CERS6: variants seen among roughly 807,000 people sequenced by gnomAD.
CERS6 encodes the protein ceramide synthase 6.
Under a neutral mutation model 56.8 loss-of-function variants are expected in CERS6, and 26 were observed. The ratio of observed to expected loss-of-function variants is 0.46; its 90% confidence interval spans 0.34 to 0.63. The LOEUF (loss-of-function observed/expected upper bound fraction) is 0.63, where lower values mean the gene tolerates loss of function less well. Among genes scored for constraint, CERS6 ranks in the 30% least tolerant of loss-of-function variants. The pLI is 0.01. For synonymous variants in CERS6, 164 were observed against 173.3 expected (o/e 0.95, Z 0.42); for missense variants, 415 against 467.5 (o/e 0.89, Z 1.04).
chr2:168,521,352 A>G (rs139878238), intron 1 of CERS6, among the ~76,000 whole-genome samples: 186 of 152,164 alleles, frequency 1.2e-3, no homozygotes, highest in African/African-American at 4.2e-3. Context: ...ATTTGACTGC[A>G]TTTTTCTCTT....
chr2:168,597,977 C>CT (rs754791714), intron 3 of CERS6, among the ~76,000 whole-genome samples: 35 of 152,122 alleles, frequency 2.3e-4, no homozygotes, highest in Non-Finnish European at 3.2e-4. Context: ...CTCTTTCAGA[C>CT]TTTTTTTTGT....
chr2:168,668,490 A>C (rs1219948959), intron 4 of CERS6, among the ~76,000 whole-genome samples: 1 of 136,286 alleles, frequency 7.3e-6, no homozygotes, highest in East Asian at 2.1e-4. Flanking sequence ...TCTGTCGCCC[A>C]GGCTGGAGTT....
intron 4 of CERS6, among the ~76,000 whole-genome samples, chr2:168,663,889 T>TA (rs1183044870): frequency 2.0e-5 from 3 of 151,886 alleles, no homozygotes; most frequent in Admixed American, 6.6e-5. Context: ...TTGGGTCAGT[T>TA]AAAAAAAATG....
intron 1 of CERS6, among the ~76,000 whole-genome samples, chr2:168,514,989 T>C (rs1044893418): frequency 1.3e-5 from 2 of 152,230 alleles, no homozygotes; most frequent in African/African-American, 4.8e-5. Context: ...ATGAGTGGGT[T>C]CCAGTAATGT....
Position 168,509,090 on chromosome 2 carries a change from A to C in CERS6, c.171-38506A>C, listed in dbSNP as rs113819461. On this transcript the variant is annotated intron_variant, in intron 1 of 9. Transcript: ENST00000305747. Reference sequence around the variant, plus strand: ...ACTGGCTACAGAAGAGTTCAGACTAATTCATTCTTGGCAGAATCTCTCTTC... The same window carrying C: ...ACTGGCTACAGAAGAGTTCAGACTACTTCATTCTTGGCAGAATCTCTCTTC... Among the ~76,000 whole-genome samples, 30 of 152,304 alleles carry C rather than the reference A, an allele frequency of 2.0e-4. 1 individual carries two copies. The highest frequency in any genetic ancestry group is 6.5e-4 in the African/African-American group (27 of 41,576).
chr2:168,763,624 T>C (rs1159093230), intron 8 of CERS6, among the ~76,000 whole-genome samples: 2 of 152,142 alleles, frequency 1.3e-5, no homozygotes, highest in Non-Finnish European at 2.9e-5. Context: ...CTCATCACAA[T>C]TTATTTTATT....
chr2:168,494,901 T>C (rs1694438666), intron 1 of CERS6, among the ~76,000 whole-genome samples: 1 of 152,180 alleles, frequency 6.6e-6, no homozygotes, highest in Non-Finnish European at 1.5e-5. Context: ...GGTTCAGATG[T>C]TCCTTATAGA....
chr2:168,689,221 A>AT (rs1226604856), intron 4 of CERS6, among the ~76,000 whole-genome samples: 2 of 152,306 alleles, frequency 1.3e-5, no homozygotes, highest in African/African-American at 4.8e-5. Context: ...AAACATGCAT[A>AT]TGACTTAACT....
chr2:168,625,474 C>T (rs952255595), intron 3 of CERS6, among the ~76,000 whole-genome samples: 3 of 152,148 alleles, frequency 2.0e-5, no homozygotes, highest in African/African-American at 7.2e-5. Context: ...CACTCGTACT[C>T]CTAATAAAAA....
At chr2:168,519,396 A>G (rs1694939199) in intron 1 of CERS6, among the ~76,000 whole-genome samples, 2 of 152,192 alleles carry the variant, frequency 1.3e-5, no homozygotes, top group Admixed American at 6.5e-5. Context: ...TCTTAGATTC[A>G]AGGGATACAT....
intron 7 of CERS6, 91 bp downstream of exon 7, chr2:168,715,220 G>A: frequency 8.9e-7 from 1 of 1,118,678 alleles, no homozygotes; most frequent in Non-Finnish European, 1.3e-6. Context: ...GCTAGATGGT[G>A]CTTGGGTACA....
At chr2:168,633,513 G>A (rs888210807) in intron 4 of CERS6, among the ~76,000 whole-genome samples, 2 of 152,114 alleles carry the variant, frequency 1.3e-5, no homozygotes, top group Non-Finnish European at 2.9e-5. Context: ...TTATTCCAGA[G>A]CTCTCTCCAG....
intron 4 of CERS6, among the ~76,000 whole-genome samples, chr2:168,638,549 A>T (rs999580155): frequency 3.9e-5 from 6 of 152,162 alleles, no homozygotes; most frequent in Non-Finnish European, 5.9e-5. Context: ...GCTAATTTGG[A>T]CTTTATATTT....
chr2:168,626,736 T>C (rs1197965959), intron 3 of CERS6, among the ~76,000 whole-genome samples: 1 of 152,206 alleles, frequency 6.6e-6, no homozygotes, highest in African/African-American at 2.4e-5. Flanking sequence ...CGTCTGGCTT[T>C]GGACAGGCTA....
intron 4 of CERS6, among the ~76,000 whole-genome samples, chr2:168,688,331 A>G (rs1045402094): frequency 3.3e-5 from 5 of 151,790 alleles, no homozygotes; most frequent in South Asian, 2.1e-4. Context: ...TTTTTTATCA[A>G]TGGAGGCAGG....
At chr2:168,566,272 C>T (rs1449289131) in intron 3 of CERS6, among the ~76,000 whole-genome samples, 2 of 152,156 alleles carry the variant, frequency 1.3e-5, no homozygotes, top group Non-Finnish European at 2.9e-5. Flanking sequence ...AGCTTACTCC[C>T]TATGCTGCTG....
chr2:168,655,579 G>A (rs1159243385), intron 4 of CERS6, among the ~76,000 whole-genome samples: 4 of 152,220 alleles, frequency 2.6e-5, no homozygotes, highest in Admixed American at 2.6e-4. Context: ...CAGCGCCAGT[G>A]GACCTGGAGG....
chr2:168,484,966 G>C (rs1307677621), intron 1 of CERS6, among the ~76,000 whole-genome samples: 1 of 152,128 alleles, frequency 6.6e-6, no homozygotes, highest in Admixed American at 6.5e-5. Flanking sequence ...TGAATAACTA[G>C]GCATATTGGA....
rs1471870274 is a variant in CERS6 at position 168,771,217 on chromosome 2, A to C, written c.*1555A>C. The C allele has an allele frequency of 1.3e-5, 2 of 152,230 alleles. No individual in the cohort carries two copies. The highest frequency in any genetic ancestry group is 1.3e-4 in the Admixed American group (2 of 15,282). The allele number at this position is 152,230 out of a possible 1,614,324, so 9.4% of individuals were successfully genotyped here. ...ACACCAGAGAGTGCGTATCCTGCTC[A>C]GAACCATTCACATTTAATTCAATTC... is the stretch of plus-strand genomic sequence containing the variant. On this transcript the variant is annotated 3_prime_UTR_variant, in exon 10 of 10. Transcript: ENST00000305747.
Sources: gnomAD v4.1 joint callset for allele counts (sites outside exome capture counted in the v4.1 genomes callset) on GRCh38, gnomAD v4.1.1 for gene constraint, MANE v1.5 for transcripts, NCBI Gene and HGNC (gene_info 2026-07-23, HGNC 2026-07-21) for gene names.